The following EPS15 variants were observed in gnomAD, a reference collection of about 807,000 sequenced individuals.
EPS15 encodes the protein epidermal growth factor receptor pathway substrate 15.
EPS15 carries 72 observed loss-of-function variants against 113.8 expected under a neutral mutation model. The observed-to-expected ratio is 0.63, with a 90% confidence interval of 0.52 to 0.77. The LOEUF (loss-of-function observed/expected upper bound fraction) is 0.77. EPS15 is among the 30% of genes least tolerant of loss of function. EPS15 has a pLI of 0.00. For missense variants in EPS15, 1,048 were observed against 1,045.8 expected, an observed-to-expected ratio of 1.00 and a Z score of -0.03; for synonymous variants, 344 against 363.4, an observed-to-expected ratio of 0.95 and a Z score of 0.61.
chr1:51,519,158 C>T, intron 1 of EPS15, 41 bp downstream of exon 1: 2 of 1,397,096 alleles, frequency 1.4e-6, no homozygotes, highest in Admixed American at 2.8e-5. Context: ...GGGGAGGGGG[C>T]ACCGGCCGGC....
chr1:51,503,974 A>G (rs1205368677), intron 1 of EPS15, among the ~76,000 whole-genome samples: 2 of 152,234 alleles, frequency 1.3e-5, no homozygotes, highest in South Asian at 2.1e-4. Flanking sequence ...GGACCTAGAT[A>G]TAATAGCTAA....
chr1:51,395,654 C>A (rs948950754), intron 20 of EPS15, among the ~76,000 whole-genome samples: 3 of 152,154 alleles, frequency 2.0e-5, no homozygotes, highest in African/African-American at 7.2e-5. Context: ...CAGATGCCAG[C>A]GATTCTGGCT....
chr1:51,508,328 A>AAGAGAGAG (rs1348988023), intron 1 of EPS15, among the ~76,000 whole-genome samples: 1 of 85,354 alleles, frequency 1.2e-5, no homozygotes, highest in Non-Finnish European at 2.6e-5. Flanking sequence ...GAAAGAGAGA[A>AAGAGAGAG]AGAGAAAGAG....
chr1:51,508,360 G>GA (rs1342146892), intron 1 of EPS15, among the ~76,000 whole-genome samples: 6 of 149,448 alleles, frequency 4.0e-5, no homozygotes, highest in Non-Finnish European at 5.9e-5. Flanking sequence ...AAGAAAGAAA[G>GA]AAAGAAAGAA....
At chr1:51,488,785 C>T (rs1163929990) in intron 1 of EPS15, among the ~76,000 whole-genome samples, 1 of 152,164 alleles carries the variant, frequency 6.6e-6, no homozygotes, top group African/African-American at 2.4e-5. Context: ...CATACACACA[C>T]CTAGCTAAAA....
At chr1:51,507,746 GATA>G (rs1470151212) in intron 1 of EPS15, among the ~76,000 whole-genome samples, 1 of 151,778 alleles carries the variant, frequency 6.6e-6, no homozygotes, top group Non-Finnish European at 1.5e-5. Context: ...ATGAAAGAGA[GATA>G]ATAACTACAT....
intron 1 of EPS15, among the ~76,000 whole-genome samples, chr1:51,483,397 A>AAGTGTGTG (rs1553134597): frequency 1.1e-5 from 1 of 93,578 alleles, no homozygotes; most frequent in African/African-American, 3.5e-5. Flanking sequence ...TCAAGACTGC[A>AAGTGTGTG]AGTGTGTGTG....
chr1:51,446,205 T>C (rs1653036035), intron 10 of EPS15, among the ~76,000 whole-genome samples: 1 of 152,230 alleles, frequency 6.6e-6, no homozygotes, highest in South Asian at 2.1e-4. Context: ...ATACATTATC[T>C]CATTTTCTGT....
intron 1 of EPS15, among the ~76,000 whole-genome samples, chr1:51,488,527 G>A (rs1248855886): frequency 1.4e-5 from 2 of 140,380 alleles, no homozygotes; most frequent in African/African-American, 5.3e-5. Flanking sequence ...GGTATTCAAA[G>A]CCCATTCTAC....
chr1:51,437,173 A>G (rs960918330), intron 12 of EPS15, among the ~76,000 whole-genome samples: 1 of 152,182 alleles, frequency 6.6e-6, no homozygotes, highest in African/African-American at 2.4e-5. Context: ...TTGGTGAACT[A>G]AAGATGAAAA....
At chr1:51,506,885 T>A (rs527438632) in intron 1 of EPS15, among the ~76,000 whole-genome samples, 2 of 151,216 alleles carry the variant, frequency 1.3e-5, no homozygotes, top group Admixed American at 1.3e-4. Flanking sequence ...CAGAGAAGGG[T>A]GAAAACTGTA....
At chr1:51,473,089 G>C in intron 2 of EPS15, 141 bp from the exon 3 acceptor site, 1 of 665,278 alleles carries the variant, frequency 1.5e-6, no homozygotes, top group Non-Finnish European at 2.7e-6. Flanking sequence ...ATGGGCCAAA[G>C]AATATGTGGA....
chr1:51,513,556 C>G (rs571635396), intron 1 of EPS15, among the ~76,000 whole-genome samples: 1 of 152,318 alleles, frequency 6.6e-6, no homozygotes, highest in African/African-American at 2.4e-5. Context: ...ATGGCTGCCT[C>G]TGGGAAAGCA....
intron 20 of EPS15, 140 bp from the exon 21 acceptor site, chr1:51,394,587 A>G (rs1242425885): frequency 2.1e-6 from 1 of 470,666 alleles, no homozygotes; most frequent in East Asian, 3.3e-5. Flanking sequence ...GTTTCCCCAT[A>G]GTGATCTGCA....
intron 22 of EPS15, among the ~76,000 whole-genome samples, chr1:51,365,208 A>G (rs1646481847): frequency 6.6e-6 from 1 of 152,236 alleles, no homozygotes; most frequent in Non-Finnish European, 1.5e-5. Flanking sequence ...ATAATGAATC[A>G]GACTTCACAA....
At chr1:51,406,893 C>T (rs933740006) in intron 15 of EPS15, among the ~76,000 whole-genome samples, 2 of 152,092 alleles carry the variant, frequency 1.3e-5, no homozygotes, top group Non-Finnish European at 2.9e-5. Context: ...CAAAGTCCAA[C>T]AAAAGCAGGA....
intron 1 of EPS15, among the ~76,000 whole-genome samples, chr1:51,516,398 T>C (rs1018166515): frequency 4.6e-5 from 7 of 152,208 alleles, no homozygotes; most frequent in African/African-American, 1.7e-4. Context: ...CAAATGTTTG[T>C]TGAGTCTCTT....
chr1:51,440,646 G>A (rs532122598), intron 11 of EPS15, among the ~76,000 whole-genome samples: 26 of 151,522 alleles, frequency 1.7e-4, no homozygotes, highest in Non-Finnish European at 2.8e-4. Context: ...TAAATTCTCC[G>A]AAAACTGTTA....
intron 19 of EPS15, 47 bp downstream of exon 19, chr1:51,400,871 A>C: frequency 7.5e-7 from 1 of 1,331,566 alleles, no homozygotes. Flanking sequence ...GCTTATTATT[A>C]AGCAGAAATG....
Sources: gnomAD v4.1 joint callset for allele counts (sites outside exome capture counted in the v4.1 genomes callset) on GRCh38, gnomAD v4.1.1 for gene constraint, MANE v1.5 for transcripts, NCBI Gene and HGNC (gene_info 2026-07-23, HGNC 2026-07-21) for gene names.